INPP4B: variants seen among roughly 807,000 people sequenced by gnomAD.
The protein encoded by INPP4B is inositol polyphosphate 4-phosphatase type II.
INPP4B carries 55 observed loss-of-function variants against 122.5 expected under a neutral mutation model. The observed-to-expected ratio is 0.45, with a 90% CI of 0.36 to 0.56. The LOEUF is 0.56. Ranked by LOEUF, INPP4B falls within the 20% of genes least tolerant of loss-of-function variation. The pLI, the probability that INPP4B is intolerant of heterozygous loss-of-function variation, is 0.00. For missense variants in INPP4B, 1,000 were observed against 1,097.7 expected (o/e 0.91, Z 1.26); for synonymous variants, 403 against 388.7 (o/e 1.04, Z -0.43).
chr4:142,388,504 AGAG>A (rs1367457635), intron 7 of INPP4B, among the ~76,000 whole-genome samples: 1 of 152,118 alleles, frequency 6.6e-6, no homozygotes, highest in Non-Finnish European at 1.5e-5. Flanking sequence ...TAGAAAAAAC[AGAG>A]GAGGAGCCAC....
intron 2 of INPP4B, among the ~76,000 whole-genome samples, chr4:142,636,502 G>C (rs968523946): frequency 1.3e-5 from 2 of 151,978 alleles, no homozygotes; most frequent in Non-Finnish European, 2.9e-5. Flanking sequence ...CATAGATAGG[G>C]TAGCCAAATT....
At chr4:142,656,762 T>C (rs932387743) in intron 2 of INPP4B, among the ~76,000 whole-genome samples, 3 of 152,212 alleles carry the variant, frequency 2.0e-5, no homozygotes, top group Non-Finnish European at 4.4e-5. Flanking sequence ...TCTTTCTCCT[T>C]CTCTACCTCA....
At chr4:142,326,211 G>A (rs1047396518) in intron 7 of INPP4B, among the ~76,000 whole-genome samples, 19 of 152,128 alleles carry the variant, frequency 1.2e-4, no homozygotes, top group East Asian at 1.9e-4. Flanking sequence ...AGCCAAGTCC[G>A]GTCCTGTGGA....
At chr4:142,393,045 C>T (rs1296071650) in intron 7 of INPP4B, among the ~76,000 whole-genome samples, 1 of 152,050 alleles carries the variant, frequency 6.6e-6, no homozygotes, top group Non-Finnish European at 1.5e-5. Flanking sequence ...TATATGTACC[C>T]ATCTCTAAAA....
chr4:142,073,930 A>C (rs78467550), intron 25 of INPP4B, among the ~76,000 whole-genome samples: 1,722 of 151,936 alleles, frequency 0.011, 38 homozygotes, highest in African/African-American at 0.039. Flanking sequence ...TCATCTCTCT[A>C]ATCAACTGTA....
chr4:142,611,356 A>C (rs924664226), intron 2 of INPP4B, among the ~76,000 whole-genome samples: 1 of 152,174 alleles, frequency 6.6e-6, no homozygotes, highest in African/African-American at 2.4e-5. Context: ...CTGGGCAAGG[A>C]CACAGACACG....
rs565903413 is a variant in INPP4B at position 142,358,660 on chromosome 4, A to AC, written c.373-43899_373-43898insG. On this transcript the variant is annotated intron_variant, in intron 7 of 25. Coordinates refer to ENST00000262992, the MANE Select transcript of INPP4B (RefSeq NM_001101669.3). ...GACATCAGTGATTTATAAAAAAAAA[A>AC]AAAAAAAAAAACTCCCAGGTGATTC... Among the ~76,000 whole-genome samples the AC allele has an allele frequency of 9.8e-3, 1,481 of 151,088 alleles. 10 individuals carry two copies. The highest frequency in any genetic ancestry group is 0.015 in the Non-Finnish European group (1,021 of 67,678).
chr4:142,435,178 G>A (rs1810163003), intron 3 of INPP4B, among the ~76,000 whole-genome samples: 1 of 152,172 alleles, frequency 6.6e-6, no homozygotes, highest in South Asian at 2.1e-4. Context: ...AGGAAAAGAA[G>A]CAGGGAAAAG....
intron 25 of INPP4B, among the ~76,000 whole-genome samples, chr4:142,032,077 A>T (rs887182521): frequency 6.6e-6 from 1 of 152,234 alleles, no homozygotes; most frequent in African/African-American, 2.4e-5. Context: ...AGGTAACGTT[A>T]TCACAGATTG....
chr4:142,506,576 CT>C (rs889236938), intron 2 of INPP4B, among the ~76,000 whole-genome samples: 1 of 152,112 alleles, frequency 6.6e-6, no homozygotes, highest in African/African-American at 2.4e-5. Context: ...GAGACATTGT[CT>C]CATTACTTCT....
chr4:142,112,975 TTTTC>T (rs1421902398), intron 21 of INPP4B, among the ~76,000 whole-genome samples: 1 of 152,134 alleles, frequency 6.6e-6, no homozygotes, highest in African/African-American at 2.4e-5. Flanking sequence ...CCTCAATTTT[TTTTC>T]TTTATTTAAT....
chr4:142,644,288 G>A (rs1026131444), intron 2 of INPP4B, among the ~76,000 whole-genome samples: 1 of 150,548 alleles, frequency 6.6e-6, no homozygotes, highest in Non-Finnish European at 1.5e-5. Flanking sequence ...GGGGGAGGAG[G>A]AGAAGGAAGA....
chr4:142,146,505 G>A (rs966863973), intron 17 of INPP4B, among the ~76,000 whole-genome samples: 1 of 152,006 alleles, frequency 6.6e-6, no homozygotes, highest in Non-Finnish European at 1.5e-5. Flanking sequence ...CATCTTCCTA[G>A]ACTGAAACTC....
At chr4:142,572,213 C>T (rs1162188569) in intron 2 of INPP4B, among the ~76,000 whole-genome samples, 1 of 152,112 alleles carries the variant, frequency 6.6e-6, no homozygotes, top group Non-Finnish European at 1.5e-5. Context: ...CTATGAAATT[C>T]TGCTCAACAG....
chr4:142,519,876 A>T (rs940702388), intron 2 of INPP4B, among the ~76,000 whole-genome samples: 1 of 152,096 alleles, frequency 6.6e-6, no homozygotes, highest in Non-Finnish European at 1.5e-5. Context: ...ATGAAAGATC[A>T]TATCTTTGAA....
At chr4:142,670,383 A>ATGC (rs1756823476) in intron 2 of INPP4B, among the ~76,000 whole-genome samples, 1 of 152,202 alleles carries the variant, frequency 6.6e-6, no homozygotes, top group African/African-American at 2.4e-5. Flanking sequence ...CAAGGTACTG[A>ATGC]ATCAACCTAA....
Position 142,677,896 on chromosome 4 carries a change from C to T in INPP4B, c.-191+47943G>A, listed in dbSNP as rs367769251. ...TAGGAGAAATACCTAGTGTAGATGA[C>T]GGGTTGATGGTGCAGCAAACCACTA... On this transcript the variant is annotated intron_variant, in intron 2 of 25. Transcript: ENST00000262992. Among the ~76,000 whole-genome samples the T allele has an allele frequency of 5.7e-4, 87 of 151,788 alleles. No individual in the cohort carries two copies. The Middle Eastern group carries it at 0.01, about 18-fold the overall frequency.
At chr4:142,602,107 A>C (rs552846021) in intron 2 of INPP4B, among the ~76,000 whole-genome samples, 2 of 152,258 alleles carry the variant, frequency 1.3e-5, no homozygotes, top group Admixed American at 6.5e-5. Context: ...AAAGCTTCTT[A>C]AGCTGATAAG....
At position 142,827,285 on chromosome 4, in the gene INPP4B, C is replaced by T. The variant is rs142090043; in HGVS notation, c.-254+18924G>A. Among the ~76,000 whole-genome samples the T allele has an allele frequency of 6.4e-4, 98 of 152,230 alleles. No individual in the cohort carries two copies. In the Middle Eastern group the frequency reaches 0.017, roughly 26 times the overall value. ...TATCCCTCTGTGCACTTCAAGTGCT[C>T]GTCTACATATTCTAGTGTTGTATTC... On this transcript the variant is annotated intron_variant, in intron 1 of 25. Coordinates refer to ENST00000262992, the MANE Select transcript of INPP4B (RefSeq NM_001101669.3).
Sources: allele counts gnomAD v4.1 joint callset (sites outside exome capture counted in the v4.1 genomes callset), GRCh38; gene constraint gnomAD v4.1.1; transcripts MANE v1.5; gene names NCBI Gene and HGNC (gene_info 2026-07-23, HGNC 2026-07-21).